The following FRYL variants were observed in gnomAD, a reference collection of about 807,000 sequenced individuals.
FRYL encodes protein furry homolog-like.
A neutral mutation model predicts 351.2 loss-of-function variants in FRYL; 150 were observed. That is an observed-to-expected ratio of 0.43 (90% CI 0.37 to 0.49). The LOEUF (loss-of-function observed/expected upper bound fraction) is 0.49. Ranked by LOEUF, FRYL falls within the 20% of genes least tolerant of loss-of-function variation. The probability of loss-of-function intolerance (pLI) is 0.00; values close to 1 mark genes in which losing one functional copy is unlikely to be tolerated. For synonymous variants in FRYL, 1,153 were observed against 1,257.1 expected, an observed-to-expected ratio of 0.92 and a Z score of 1.75; for missense variants, 3,036 against 3,619.3, an observed-to-expected ratio of 0.84 and a Z score of 4.13.
intron 1 of FRYL, among the ~76,000 whole-genome samples, chr4:48,749,600 G>A (rs1773043482): frequency 6.6e-6 from 1 of 152,118 alleles, no homozygotes; most frequent in South Asian, 2.1e-4. Flanking sequence ...AGCCATGTTA[G>A]TGATATACCC....
At chr4:48,506,883 T>C (rs1721183136) in intron 59 of FRYL, among the ~76,000 whole-genome samples, 1 of 152,012 alleles carries the variant, frequency 6.6e-6, no homozygotes, top group Admixed American at 6.6e-5. Flanking sequence ...CCTTAGGCTA[T>C]TTGCTTGACA....
intron 1 of FRYL, among the ~76,000 whole-genome samples, chr4:48,716,572 A>G (rs1768855248): frequency 6.6e-6 from 1 of 151,684 alleles, no homozygotes; most frequent in Non-Finnish European, 1.5e-5. Flanking sequence ...CCACAATGAG[A>G]TATCATCTCA....
At position 48,634,483 on chromosome 4, in the gene FRYL, C is replaced by T. The variant is rs371985789; in HGVS notation, c.-73G>A. On this transcript the variant is annotated 5_prime_UTR_variant, in exon 4 of 64. Coordinates refer to ENST00000358350, the MANE Select transcript of FRYL (RefSeq NM_015030.2). ...AGTATTTATTTACTTTGCTGACTGG[C>T]GCTGAAGCTAAAAGTAAAAGAAACA... is the stretch of plus-strand genomic sequence containing the variant. 4.2e-5 allele frequency: 68 copies of T among 1,603,762 alleles called. No homozygotes were observed. Among genetic ancestry groups the T allele is most frequent in the East Asian group, 2.9e-4 (13 of 44,294 alleles).
At chr4:48,535,326 T>C (rs1728630964) in intron 48 of FRYL, among the ~76,000 whole-genome samples, 1 of 152,076 alleles carries the variant, frequency 6.6e-6, no homozygotes, top group Admixed American at 6.6e-5. Flanking sequence ...GTAAAGTGTA[T>C]ATTATTTTGA....
chr4:48,772,301 A>C (rs539603125), intron 1 of FRYL, among the ~76,000 whole-genome samples: 1 of 152,292 alleles, frequency 6.6e-6, no homozygotes, highest in South Asian at 2.1e-4. Flanking sequence ...CTTGATAGTC[A>C]CATGAGACCT....
intron 3 of FRYL, among the ~76,000 whole-genome samples, chr4:48,666,992 C>T (rs1376438383): frequency 6.6e-6 from 1 of 152,108 alleles, no homozygotes; most frequent in Non-Finnish European, 1.5e-5. Context: ...TTAAATAAGT[C>T]AGTGATGGCA....
chr4:48,716,746 A>C (rs1056985845), intron 1 of FRYL, among the ~76,000 whole-genome samples: 1 of 151,580 alleles, frequency 6.6e-6, no homozygotes, highest in Non-Finnish European at 1.5e-5. Flanking sequence ...TAGAAATACC[A>C]TTTGACCTGG....
chr4:48,762,510 G>C (rs1345583971), intron 1 of FRYL, among the ~76,000 whole-genome samples: 1 of 152,218 alleles, frequency 6.6e-6, no homozygotes, highest in Non-Finnish European at 1.5e-5. Context: ...ACAGACACAG[G>C]ATGGAAATCA....
intron 23 of FRYL, among the ~76,000 whole-genome samples, chr4:48,577,908 CA>C (rs1560643332): frequency 6.7e-6 from 1 of 148,584 alleles, no homozygotes; most frequent in South Asian, 2.1e-4. Flanking sequence ...AAACACAAAA[CA>C]AAAAAGAAAT....
chr4:48,689,523 T>C (rs1267915757), intron 2 of FRYL, among the ~76,000 whole-genome samples: 1 of 152,192 alleles, frequency 6.6e-6, no homozygotes, highest in Non-Finnish European at 1.5e-5. Flanking sequence ...ATTTACTACA[T>C]ACACTCCTAA....
At chr4:48,596,257 T>C (rs954523767) in intron 13 of FRYL, among the ~76,000 whole-genome samples, 1 of 152,184 alleles carries the variant, frequency 6.6e-6, no homozygotes, top group African/African-American at 2.4e-5. Flanking sequence ...AAAATTATAC[T>C]AGTATTTCTA....
At chr4:48,646,651 T>C (rs1756535609) in intron 3 of FRYL, among the ~76,000 whole-genome samples, 1 of 152,196 alleles carries the variant, frequency 6.6e-6, no homozygotes, top group African/African-American at 2.4e-5. Context: ...AGTAGTGGAA[T>C]AGGCCAGAAC....
chr4:48,675,099 G>A (rs1375491138), intron 3 of FRYL, among the ~76,000 whole-genome samples: 3 of 152,160 alleles, frequency 2.0e-5, no homozygotes, highest in Non-Finnish European at 2.9e-5. Context: ...CCAGGCTGGA[G>A]TGCAGTGGCG....
At chr4:48,507,915 C>G (rs1376265820) in intron 59 of FRYL, among the ~76,000 whole-genome samples, 2 of 152,150 alleles carry the variant, frequency 1.3e-5, no homozygotes, top group Admixed American at 1.3e-4. Context: ...GCAGAGACCG[C>G]TGGTCTCACA....
chr4:48,713,539 G>A (rs1048387574), intron 1 of FRYL, among the ~76,000 whole-genome samples: 4 of 152,166 alleles, frequency 2.6e-5, no homozygotes, highest in South Asian at 2.1e-4. Flanking sequence ...ATTACATAAC[G>A]GTAAAGGGAT....
At chr4:48,760,574 C>A (rs1774300811) in intron 1 of FRYL, among the ~76,000 whole-genome samples, 1 of 152,096 alleles carries the variant, frequency 6.6e-6, no homozygotes, top group Non-Finnish European at 1.5e-5. Flanking sequence ...TGCAAGCACT[C>A]CAGGGCAATG....
intron 3 of FRYL, among the ~76,000 whole-genome samples, chr4:48,658,584 CAAAAA>C (rs11388062): frequency 1.3e-4 from 12 of 95,860 alleles, no homozygotes; most frequent in African/African-American, 2.1e-4. Flanking sequence ...CAAAAAAATA[CAAAAA>C]AAAAAAAAAA....
At chr4:48,656,273 C>A (rs1426629489) in intron 3 of FRYL, among the ~76,000 whole-genome samples, 2 of 27,330 alleles carry the variant, frequency 7.3e-5, no homozygotes, top group Admixed American at 4.3e-4. Flanking sequence ...ATACATTATT[C>A]AAATATGAAT....
chr4:48,616,430 C>T (rs566883412), intron 7 of FRYL, among the ~76,000 whole-genome samples: 93 of 152,148 alleles, frequency 6.1e-4, no homozygotes, highest in African/African-American at 2.1e-3. Context: ...ATGCATTAGG[C>T]GTTATTATAT....
Sources: allele counts gnomAD v4.1 joint callset (sites outside exome capture counted in the v4.1 genomes callset), GRCh38; gene constraint gnomAD v4.1.1; transcripts MANE v1.5; gene names NCBI Gene and HGNC (gene_info 2026-07-23, HGNC 2026-07-21).